DPYD: variants seen among roughly 807,000 people sequenced by gnomAD.
DPYD encodes dihydropyrimidine dehydrogenase [NADP(+)].
DPYD carries 109 observed loss-of-function variants against 116.2 expected under a neutral mutation model. The observed-to-expected ratio is 0.94, with a 90% confidence interval of 0.80 to 1.10. The LOEUF (loss-of-function observed/expected upper bound fraction) is 1.10, where lower values mean the gene tolerates loss of function less well. Ranked by LOEUF, DPYD falls within the 50% of genes least tolerant of loss-of-function variation. The pLI is 0.00. For synonymous variants in DPYD, 440 were observed against 432.0 expected, an observed-to-expected ratio of 1.02 and a Z score of -0.23; for missense variants, 1,302 against 1,254.5, an observed-to-expected ratio of 1.04 and a Z score of -0.57.
At chr1:97,208,741 C>T (rs1454141786) in intron 19 of DPYD, among the ~76,000 whole-genome samples, 2 of 152,088 alleles carry the variant, frequency 1.3e-5, no homozygotes, top group African/African-American at 2.4e-5. Flanking sequence ...AAATTGTTGA[C>T]TGAAGCAGCC....
chr1:97,249,740 A>G, intron 18 of DPYD, among the ~76,000 whole-genome samples: 1 of 152,236 alleles, frequency 6.6e-6, no homozygotes, highest in African/African-American at 2.4e-5. Flanking sequence ...ACTAGAAACC[A>G]ACAGTTAAAA....
chr1:97,095,048 A>G (rs1316368207), intron 21 of DPYD, among the ~76,000 whole-genome samples: 1 of 152,196 alleles, frequency 6.6e-6, no homozygotes, highest in Non-Finnish European at 1.5e-5. Context: ...GTTTTGTAGA[A>G]GTGTAAAAGG....
intron 20 of DPYD, among the ~76,000 whole-genome samples, chr1:97,162,459 C>T (rs1317126846): frequency 6.6e-6 from 1 of 152,038 alleles, no homozygotes; most frequent in Non-Finnish European, 1.5e-5. Context: ...AACTACAAAC[C>T]ACTGCTCAAT....
intron 16 of DPYD, among the ~76,000 whole-genome samples, chr1:97,371,033 T>G (rs2101499231): frequency 6.6e-6 from 1 of 152,288 alleles, no homozygotes; most frequent in Non-Finnish European, 1.5e-5. Context: ...TTCATGATTT[T>G]TAATCACTTA....
At chr1:97,389,889 T>C (rs1323688353) in intron 14 of DPYD, among the ~76,000 whole-genome samples, 3 of 151,172 alleles carry the variant, frequency 2.0e-5, no homozygotes, top group Non-Finnish European at 4.4e-5. Context: ...TAGTGCTATA[T>C]GGCTTCCATT....
chr1:97,917,750 C>T (rs1282059860), intron 1 of DPYD, among the ~76,000 whole-genome samples: 4 of 152,214 alleles, frequency 2.6e-5, no homozygotes, highest in East Asian at 3.9e-4. Context: ...ATCAAAAGTA[C>T]TAGTATTCAA....
At chr1:97,390,047 A>G (rs1372625504) in intron 14 of DPYD, among the ~76,000 whole-genome samples, 1 of 152,104 alleles carries the variant, frequency 6.6e-6, no homozygotes, top group Non-Finnish European at 1.5e-5. Flanking sequence ...CACATTAAAA[A>G]TTAAGGTGAA....
intron 18 of DPYD, among the ~76,000 whole-genome samples, chr1:97,289,529 C>G (rs1268851360): frequency 2.0e-5 from 3 of 151,214 alleles, no homozygotes; most frequent in Non-Finnish European, 1.5e-5. Flanking sequence ...AAGGCTGGTT[C>G]AACATACGCA....
chr1:97,552,977 C>T (rs1651437614), intron 11 of DPYD, among the ~76,000 whole-genome samples: 1 of 151,880 alleles, frequency 6.6e-6, no homozygotes, highest in Non-Finnish European at 1.5e-5. Context: ...ATATTTGGCT[C>T]ATCAAATATC....
At chr1:97,705,359 A>G (rs1661871595) in intron 5 of DPYD, among the ~76,000 whole-genome samples, 1 of 151,536 alleles carries the variant, frequency 6.6e-6, no homozygotes, top group Non-Finnish European at 1.5e-5. Context: ...TTCAATTCCC[A>G]CCTATGAGTG....
intron 8 of DPYD, among the ~76,000 whole-genome samples, chr1:97,622,258 C>T (rs1343517216): frequency 1.3e-5 from 2 of 151,938 alleles, no homozygotes; most frequent in Non-Finnish European, 2.9e-5. Flanking sequence ...CATGACAAAG[C>T]TTATTGATAG....
chr1:97,440,578 C>G (rs1008570222), intron 14 of DPYD, among the ~76,000 whole-genome samples: 4 of 152,028 alleles, frequency 2.6e-5, no homozygotes, highest in African/African-American at 9.7e-5. Context: ...AAAAGCCTAC[C>G]TCCAAGTAAT....
chr1:97,473,231 T>C (rs528348780), intron 13 of DPYD, among the ~76,000 whole-genome samples: 1 of 152,356 alleles, frequency 6.6e-6, no homozygotes, highest in South Asian at 2.1e-4. Context: ...ACAGTAGTAC[T>C]TGTCTTTCTA....
chr1:97,212,308 TATA>T (rs1425355739), intron 19 of DPYD, among the ~76,000 whole-genome samples: 2 of 152,174 alleles, frequency 1.3e-5, no homozygotes, highest in Admixed American at 6.6e-5. Flanking sequence ...AATGGAATTT[TATA>T]ATAACAAATA....
At chr1:97,374,796 A>C (rs1471608173) in intron 15 of DPYD, among the ~76,000 whole-genome samples, 3 of 148,500 alleles carry the variant, frequency 2.0e-5, no homozygotes, top group African/African-American at 7.4e-5. Flanking sequence ...TAATCCTAGC[A>C]CGGTGGGAGG....
intron 11 of DPYD, among the ~76,000 whole-genome samples, chr1:97,568,045 A>G (rs1652653066): frequency 6.6e-6 from 1 of 152,134 alleles, no homozygotes; most frequent in East Asian, 1.9e-4. Flanking sequence ...GATGGCATGA[A>G]AAACATTAGA....
In DPYD at chr1:97,614,107, A is replaced by G. The variant is rs112744377; in HGVS notation, c.851-18941T>C. Among the ~76,000 whole-genome samples the G allele has an allele frequency of 2.7e-3, 407 of 152,216 alleles. 4 individuals carry two copies. The highest frequency in any genetic ancestry group is 9.2e-3 in the African/African-American group (382 of 41,588). ...TTTAAAACTTAATTAATATTTTTAA[A>G]TGAGGCAAATCTTCAAAGTTTATTA... On this transcript the variant is annotated intron_variant, in intron 8 of 22. Transcript: ENST00000370192.
chr1:97,345,619 A>T (rs972308231), intron 16 of DPYD, among the ~76,000 whole-genome samples: 5 of 151,942 alleles, frequency 3.3e-5, no homozygotes, highest in Non-Finnish European at 7.4e-5. Flanking sequence ...ACAGGTAGAA[A>T]ACAGCAGGAA....
intron 15 of DPYD, among the ~76,000 whole-genome samples, chr1:97,376,651 T>G (rs573813606): frequency 1.1e-4 from 17 of 152,278 alleles, no homozygotes; most frequent in African/African-American, 4.1e-4. Flanking sequence ...TGAATTAGCA[T>G]GAAATGTTAA....
Sources: allele counts gnomAD v4.1 joint callset (sites outside exome capture counted in the v4.1 genomes callset), GRCh38; gene constraint gnomAD v4.1.1; transcripts MANE v1.5; gene names NCBI Gene and HGNC (gene_info 2026-07-23, HGNC 2026-07-21).